Variants in PTMA observed in about 807,000 individuals in gnomAD.
The protein encoded by PTMA is gene sequence 28.
A neutral mutation model predicts 16.9 loss-of-function variants in PTMA; 4 were observed. The observed-to-expected ratio is 0.24, with a 90% CI of 0.12 to 0.54. The LOEUF (loss-of-function observed/expected upper bound fraction) is 0.54. Ranked by LOEUF, PTMA falls within the 20% of genes least tolerant of loss-of-function variation. The pLI is 0.95. For missense variants in PTMA, 120 were observed against 137.7 expected (o/e 0.87, Z 0.64); for synonymous variants, 58 against 47.9 (o/e 1.21, Z -0.87).
In PTMA at chr2:231,711,839, G is replaced by C. The variant is rs759314216; in HGVS notation, c.118-51G>C. On this transcript the variant is annotated intron_variant, in intron 2 of 4. Transcript: ENST00000409115. Reference sequence around the variant, plus strand: ...GGCCGGGCATCAGGAGCAACGCTCTGTCCAGCCTGGGGCCAGCTGGTAATG... The same window carrying C: ...GGCCGGGCATCAGGAGCAACGCTCTCTCCAGCCTGGGGCCAGCTGGTAATG... The C allele has an allele frequency of 5.2e-5, 84 of 1,607,564 alleles. 1 individual carries two copies. In the South Asian group the frequency reaches 8.0e-4, roughly 15 times the overall value.
intron 2 of PTMA, 169 bp from the exon 3 acceptor site, chr2:231,711,720 AT>A: frequency 6.3e-6 from 8 of 1,271,182 alleles, no homozygotes; most frequent in Non-Finnish European, 8.5e-6. Flanking sequence ...TGCAGGTTTC[AT>A]GATGGAGCCT....
At chr2:231,709,954 AG>A in intron 1 of PTMA, 1 of 744,048 alleles carries the variant, frequency 1.3e-6, no homozygotes, top group East Asian at 3.6e-5. Flanking sequence ...GGATCTCCAC[AG>A]GGGCTCTCAG....
intron 1 of PTMA, among the ~76,000 whole-genome samples, chr2:231,710,915 T>C (rs6736625): frequency 0.12 from 18,716 of 152,302 alleles, 3,082 homozygotes; most frequent in African/African-American, 0.38. Context: ...CCCCTCTCTC[T>C]TTGCCTTATT....
rs748570958 is a variant in PTMA, at chr2:231,708,659, C to T, written c.-48C>T. 4.4e-6 allele frequency: 7 copies of T among 1,598,248 alleles called. No homozygotes were observed. The African/African-American group carries it at 6.7e-5, about 15-fold the overall frequency. On this transcript the variant is annotated 5_prime_UTR_variant, in exon 1 of 5. Transcript: ENST00000409115. The stretch of plus-strand genomic sequence containing the variant: ...GCTTTATCGCCAGAGTCCCTGAACT[C>T]TCGCTTTCTTTTTAATCCCCTGCAT...
chr2:231,711,759 TG>T (rs2048521350), intron 2 of PTMA, 130 bp from the exon 3 acceptor site: 1 of 1,494,628 alleles, frequency 6.7e-7, no homozygotes, highest in Non-Finnish European at 8.9e-7. Context: ...GAAGGGTCTC[TG>T]GGGTGGGCTT....
rs921468006 is a variant in PTMA at position 231,711,792 on chromosome 2, C to G, written c.118-98C>G. On this transcript the variant is annotated intron_variant, in intron 2 of 4. Coordinates refer to ENST00000409115, the MANE Select transcript of PTMA (RefSeq NM_002823.5). The stretch of plus-strand genomic sequence containing the variant: ...GCTTGGCTTGGCTGGGCTGTAGATG[C>G]AGCCGCCAGCCTCTGGTGGGAGGCC... 7.1e-6 allele frequency: 11 copies of G among 1,551,754 alleles called. No homozygotes were observed. The African/African-American group carries it at 8.3e-5, about 12-fold the overall frequency.
intron 4 of PTMA, 68 bp from the exon 5 acceptor site, chr2:231,712,736 A>AGCT: frequency 2.0e-6 from 3 of 1,532,612 alleles, no homozygotes; most frequent in Non-Finnish European, 2.6e-6. Context: ...TGCCAGCAGG[A>AGCT]GCTGAGGCAG....
chr2:231,709,876 C>T (rs892531078), intron 1 of PTMA: 44 of 295,648 alleles, frequency 1.5e-4, no homozygotes, highest in African/African-American at 6.3e-4. Context: ...CTCCTTAACC[C>T]TTGTGTCCCT....
At chr2:231,709,555 C>T (rs62197230) in intron 1 of PTMA, among the ~76,000 whole-genome samples, 3 of 152,152 alleles carry the variant, frequency 2.0e-5, no homozygotes, top group African/African-American at 7.2e-5. Context: ...TGCCCGGGAG[C>T]ACCGTGTGCG....
chr2:231,710,032 C>T (rs1325799512), intron 1 of PTMA: 7 of 1,208,042 alleles, frequency 5.8e-6, no homozygotes, highest in Admixed American at 4.3e-5. Context: ...AGTGCGGGGC[C>T]TGGCTGTTCG....
intron 1 of PTMA, chr2:231,710,664 T>G: frequency 2.3e-6 from 1 of 434,272 alleles, no homozygotes; most frequent in Non-Finnish European, 4.7e-6. Context: ...CCGGGCGGAG[T>G]CCCACCCCCG....
At chr2:231,711,108 C>T (rs898355102) in intron 1 of PTMA, 3 of 386,746 alleles carry the variant, frequency 7.8e-6, no homozygotes, top group African/African-American at 4.2e-5. Context: ...GAACCGCCAC[C>T]GGGGCCGCTG....
intron 1 of PTMA, chr2:231,710,289 G>T: frequency 7.8e-7 from 1 of 1,283,062 alleles, no homozygotes; most frequent in African/African-American, 1.5e-5. Context: ...CCTGCCGGCC[G>T]GGAGTCTCCA....
rs2048540002 is a variant in PTMA at position 231,713,090 on chromosome 2, A to G, written c.*239A>G. The G allele has an allele frequency of 1.9e-6, 1 of 530,214 alleles. No individual in the cohort carries two copies. The highest frequency in any genetic ancestry group is 2.3e-5 in the South Asian group (1 of 42,892). The allele number at this position is 530,214 out of a possible 1,614,324, so 32.8% of individuals were successfully genotyped here. ...TTCCAAGGCCCTGCTTTTTTTCTTA[A>G]AAGTACTTTAAAAAGGAAATTTGTT... On this transcript the variant is annotated 3_prime_UTR_variant, in exon 5 of 5. Coordinates refer to ENST00000409115, the MANE Select transcript of PTMA (RefSeq NM_002823.5).
At chr2:231,708,826 G>A in intron 1 of PTMA, 75 bp downstream of exon 1, 1 of 1,532,510 alleles carries the variant, frequency 6.5e-7, no homozygotes, top group Non-Finnish European at 8.8e-7. Context: ...GCAGCAGCTG[G>A]ACTGTCTCAA....
chr2:231,713,467 C>G lies in PTMA; in HGVS notation c.*616C>G, dbSNP rs1476154934. 1 of 465,108 alleles carries G rather than the reference C, an allele frequency of 2.2e-6. No individual in the cohort carries two copies. The highest frequency in any genetic ancestry group is 4.3e-6 in the Non-Finnish European group (1 of 232,064). 28.8% of individuals were successfully genotyped at this position (465,108 alleles called of 1,614,324 possible). Reference sequence around the variant, plus strand: ...GAAGTTGCTGTTTATTTTTTTTGGCCTGTTTGATGTATGTGTGAAACAATG... The same window carrying G: ...GAAGTTGCTGTTTATTTTTTTTGGCGTGTTTGATGTATGTGTGAAACAATG... On this transcript the variant is annotated 3_prime_UTR_variant, in exon 5 of 5. Transcript: ENST00000409115.
chr2:231,711,818 G>A (rs1057025045), intron 2 of PTMA, 72 bp from the exon 3 acceptor site: 4 of 1,578,934 alleles, frequency 2.5e-6, no homozygotes, highest in South Asian at 1.2e-5. Context: ...GTGGGAGGCC[G>A]GGCATCAGGA....
At chr2:231,711,117 T>C in intron 1 of PTMA, 1 of 408,214 alleles carries the variant, frequency 2.4e-6, no homozygotes, top group Non-Finnish European at 4.4e-6. Flanking sequence ...CCGGGGCCGC[T>C]GTAGCGGGCC....
chr2:231,711,555 T>C lies in PTMA; in HGVS notation c.117+136T>C, dbSNP rs564413307. On this transcript the variant is annotated intron_variant, in intron 2 of 4. Transcript: ENST00000409115. Reference sequence around the variant, plus strand: ...TGCACAGTGGCAGTATCGTAGCCAATGAGCTTTACCCGAGGCGCGATTATT... The same window carrying C: ...TGCACAGTGGCAGTATCGTAGCCAACGAGCTTTACCCGAGGCGCGATTATT... 1.3e-4 allele frequency: 109 copies of C among 858,370 alleles called. No individual in the cohort carries two copies. In the African/African-American group the frequency reaches 1.5e-3, roughly 12 times the overall value. The allele number at this position is 858,370 out of a possible 1,614,324, so 53.2% of individuals were successfully genotyped here. A position where few individuals can be genotyped will look rare whatever the true frequency, so the allele number is the denominator to read the frequency against.
Sources: gnomAD v4.1 joint callset for allele counts (sites outside exome capture counted in the v4.1 genomes callset) on GRCh38, gnomAD v4.1.1 for gene constraint, MANE v1.5 for transcripts, NCBI Gene and HGNC (gene_info 2026-07-23, HGNC 2026-07-21) for gene names.